The following SVOP variants were observed in gnomAD, a reference collection of about 807,000 sequenced individuals.
SVOP encodes the protein synaptic vesicle 2-related protein.
Under a neutral mutation model 69.1 loss-of-function variants are expected in SVOP, and 17 were observed. The observed-to-expected ratio is 0.25, with a 90% CI of 0.17 to 0.37. The LOEUF is 0.37. Among genes scored for constraint, SVOP ranks in the 10% least tolerant of loss-of-function variants. SVOP has a pLI of 1.00. For missense variants in SVOP, 435 were observed against 597.5 expected (o/e 0.73, Z 2.84); for synonymous variants, 238 against 238.6 (o/e 1.00, Z 0.02).
intron 11 of SVOP, among the ~76,000 whole-genome samples, chr12:108,924,198 A>G (rs920431111): frequency 2.0e-5 from 3 of 152,136 alleles, no homozygotes; most frequent in African/African-American, 7.2e-5. Context: ...CTCTCCCCAG[A>G]CACTGAATCT....
At chr12:109,013,255 A>G (rs965986234) in intron 1 of SVOP, among the ~76,000 whole-genome samples, 1 of 152,224 alleles carries the variant, frequency 6.6e-6, no homozygotes, top group Non-Finnish European at 1.5e-5. Flanking sequence ...TAAGCAAATT[A>G]TAGAGTTTAT....
chr12:109,019,382 A>G (rs764377376), intron 1 of SVOP, among the ~76,000 whole-genome samples: 1 of 152,196 alleles, frequency 6.6e-6, no homozygotes, highest in Non-Finnish European at 1.5e-5. Flanking sequence ...GTTCATATAC[A>G]CATGAATCTT....
At chr12:108,990,246 C>G (rs2040192097) in intron 1 of SVOP, among the ~76,000 whole-genome samples, 1 of 152,176 alleles carries the variant, frequency 6.6e-6, no homozygotes, top group African/African-American at 2.4e-5. Context: ...AAAGGCACAG[C>G]TCCATCCATG....
chr12:108,949,292 CAG>C (rs1204919231), intron 6 of SVOP, among the ~76,000 whole-genome samples: 7 of 151,358 alleles, frequency 4.6e-5, no homozygotes, highest in Non-Finnish European at 1.0e-4. Context: ...TTTGCCCACA[CAG>C]AGTCTCACTC....
At position 108,961,020 on chromosome 12, in the gene SVOP, G is replaced by T. The variant is rs1402052120; in HGVS notation, c.481C>A (p.Leu161Met). 1 of 1,536,910 alleles carries T rather than the reference G, an allele frequency of 6.5e-7. No homozygotes were observed. Among genetic ancestry groups the T allele is most frequent in the Non-Finnish European group, 8.7e-7 (1 of 1,146,678 alleles). Residue 161 changes from leucine to methionine, a missense_variant, in exon 6 of 16, where the codon CTG becomes ATG. Coordinates refer to ENST00000610966, the MANE Select transcript of SVOP (RefSeq NM_018711.5). ...TGLKISVLWT[L>M]YYGILSAFAP... is the part of the protein sequence containing the mutation. ...AATGCACTAAGGATGCCATAGTACA[G>T]AGTCCACAGCACGCTGATCTTCAGC... is the stretch of plus-strand genomic sequence containing the variant.
intron 6 of SVOP, among the ~76,000 whole-genome samples, chr12:108,952,936 C>T (rs146928534): frequency 0.023 from 3,459 of 152,068 alleles, 53 homozygotes; most frequent in Middle Eastern, 0.085. Flanking sequence ...ATCTGTCATA[C>T]GGGGATAAAA....
At chr12:109,019,651 C>G (rs1355832446) in intron 1 of SVOP, among the ~76,000 whole-genome samples, 8 of 152,166 alleles carry the variant, frequency 5.3e-5, no homozygotes, top group Non-Finnish European at 1.5e-5. Flanking sequence ...TGAACATCCT[C>G]TAGCATTTGT....
Position 108,934,161 on chromosome 12 carries a change from G to A in SVOP, c.1048+34C>T, listed in dbSNP as rs762292394. 1.9e-6 allele frequency: 3 copies of A among 1,564,294 alleles called. No homozygotes were observed. In the African/African-American group the frequency reaches 4.1e-5, roughly 21 times the overall value. On this transcript the variant is annotated intron_variant, in intron 11 of 15. Coordinates refer to ENST00000610966, the MANE Select transcript of SVOP (RefSeq NM_018711.5). ...CTGTGTATGTGCCGAGGGTGTGGGA[G>A]TAGTTAGCTGGCAAAGACAACCAAG...
intron 9 of SVOP, among the ~76,000 whole-genome samples, chr12:108,938,157 T>A (rs2039867496): frequency 6.6e-6 from 1 of 152,270 alleles, no homozygotes; most frequent in Non-Finnish European, 1.5e-5. Flanking sequence ...ATAAAAAGAA[T>A]CAGAAATATA....
At chr12:108,956,800 C>T (rs36154713) in intron 6 of SVOP, among the ~76,000 whole-genome samples, 59,738 of 151,912 alleles carry the variant, frequency 0.39, 14,649 homozygotes, top group South Asian at 0.57. Flanking sequence ...GCCTGGAATC[C>T]GCTGGTCCTA....
At chr12:108,957,399 C>G (rs142722662) in intron 6 of SVOP, among the ~76,000 whole-genome samples, 122,947 of 152,060 alleles carry the variant, frequency 0.81, 50,182 homozygotes, top group East Asian at 0.96. Flanking sequence ...CCTGTCCTCA[C>G]ATGATCCACC....
intron 6 of SVOP, among the ~76,000 whole-genome samples, chr12:108,952,545 T>C (rs911535856): frequency 6.6e-6 from 1 of 152,056 alleles, no homozygotes; most frequent in African/African-American, 2.4e-5. Flanking sequence ...CCCCCTACAC[T>C]ACACTTAATA....
chr12:109,020,732 T>C, intron 1 of SVOP, 102 bp downstream of exon 1: 1 of 525,726 alleles, frequency 1.9e-6, no homozygotes. Context: ...CCCTTTAAAT[T>C]CAAGAAACCA....
rs2040119545 is a variant in SVOP at position 108,978,627 on chromosome 12, C to G, written c.233G>C (p.Gly78Ala). 1.4e-6 allele frequency: 1 copy of G among 703,852 alleles called. No individual in the cohort carries two copies. The highest frequency in any genetic ancestry group is 2.6e-6 in the Non-Finnish European group (1 of 384,954). 43.6% of individuals were successfully genotyped at this position (703,852 alleles called of 1,614,324 possible). Reference protein sequence around the residue: ...FMVEDAVEAIGFGKFQWKLSV... With the variant: ...FMVEDAVEAIAFGKFQWKLSV... ...CAGCTTCCACTGAAATTTTCCAAAGCCAATGGCTTCCACTGCATCTTCCAC... is the reference window on the plus strand; with the variant it reads ...CAGCTTCCACTGAAATTTTCCAAAGGCAATGGCTTCCACTGCATCTTCCAC... Residue 78 changes from glycine (G) to alanine (A), a missense_variant, in exon 3 of 16, where the codon GGC (glycine) becomes GCC (alanine). Coordinates refer to ENST00000610966, the MANE Select transcript of SVOP (RefSeq NM_018711.5).
At chr12:108,983,793 C>A (rs2040154329) in intron 1 of SVOP, 32 bp from the exon 2 acceptor site, 1 of 398,646 alleles carries the variant, frequency 2.5e-6, no homozygotes, top group Non-Finnish European at 4.4e-6. Context: ...GTCAAGATGG[C>A]TAAAGCTTCC....
At position 108,958,202 on chromosome 12, in the gene SVOP, C is replaced by T. The variant is rs143944781; in HGVS notation, c.578+2721G>A. Among the ~76,000 whole-genome samples the T allele has an allele frequency of 9.7e-4, 148 of 152,024 alleles. 1 individual carries two copies. Among genetic ancestry groups the T allele is most frequent in the African/African-American group, 3.4e-3 (141 of 41,466 alleles). On this transcript the variant is annotated intron_variant, in intron 6 of 15. Transcript: ENST00000610966. Reference sequence around the variant, plus strand: ...ATTCTTTAATAGCGAGGGGGTCTAGCTATGTTGCCCAGGCTGATCTCAGAC... The same window carrying T: ...ATTCTTTAATAGCGAGGGGGTCTAGTTATGTTGCCCAGGCTGATCTCAGAC...
chr12:109,011,510 G>A (rs2040341470), intron 1 of SVOP, among the ~76,000 whole-genome samples: 1 of 152,172 alleles, frequency 6.6e-6, no homozygotes, highest in African/African-American at 2.4e-5. Flanking sequence ...GGAGCCAGCA[G>A]GAAGTCTCAC....
chr12:109,006,089 G>A (rs1315856183), intron 1 of SVOP, among the ~76,000 whole-genome samples: 2 of 152,150 alleles, frequency 1.3e-5, no homozygotes, highest in African/African-American at 2.4e-5. Context: ...TCTCACTCTT[G>A]TCACCCAGGC....
intron 6 of SVOP, among the ~76,000 whole-genome samples, chr12:108,959,900 A>C (rs944827862): frequency 6.6e-6 from 1 of 152,118 alleles, no homozygotes; most frequent in Non-Finnish European, 1.5e-5. Flanking sequence ...CTCCTCCACC[A>C]CTTCCTGGCT....
Sources: gnomAD v4.1 joint callset for allele counts (sites outside exome capture counted in the v4.1 genomes callset) on GRCh38, gnomAD v4.1.1 for gene constraint, MANE v1.5 for transcripts, NCBI Gene and HGNC (gene_info 2026-07-23, HGNC 2026-07-21) for gene names.